UNC79: variants seen among roughly 807,000 people sequenced by gnomAD.
UNC79 encodes unc-79 subunit of NALCN channel complex.
In UNC79, 37 loss-of-function variants were observed where a neutral mutation model predicts 283.1. That is an observed-to-expected ratio of 0.13 (90% confidence interval 0.10 to 0.17). UNC79 has a LOEUF of 0.17. Among genes scored for constraint, UNC79 ranks in the 10% least tolerant of loss-of-function variants. UNC79 has a pLI of 1.00. For missense variants in UNC79, 2,272 were observed against 3,211.1 expected (o/e 0.71, Z 7.07); for synonymous variants, 1,107 against 1,200.2 (o/e 0.92, Z 1.61).
chr14:93,632,179 A>T (rs2068083349), intron 31 of UNC79, among the ~76,000 whole-genome samples: 1 of 152,264 alleles, frequency 6.6e-6, no homozygotes, highest in Non-Finnish European at 1.5e-5. Context: ...CTTCCTTTAA[A>T]TAATTCAAAT....
intron 1 of UNC79, chr14:93,347,474 G>A (rs2139900052): frequency 1.5e-6 from 2 of 1,363,322 alleles, no homozygotes; most frequent in East Asian, 5.9e-5. Context: ...GGAGAAGGGA[G>A]GACACGGCGT....
At chr14:93,398,690 C>T (rs1246730964) in intron 1 of UNC79, among the ~76,000 whole-genome samples, 2 of 152,124 alleles carry the variant, frequency 1.3e-5, no homozygotes, top group Non-Finnish European at 2.9e-5. Flanking sequence ...TTAGGATTTT[C>T]CTGAATGTTG....
At position 93,567,666 on chromosome 14, in the gene UNC79, C is replaced by A. The variant is rs547888285; in HGVS notation, c.1756-4228C>A. On this transcript the variant is annotated intron_variant, in intron 14 of 48. Transcript: ENST00000555664. ...GAATTGTTTATTGCTCAATTAAACT[C>A]CTTTGCATTTAATTCGGCTGAAGTT... is the stretch of plus-strand genomic sequence containing the variant. Among the ~76,000 whole-genome samples the A allele has an allele frequency of 9.2e-5, 14 of 152,304 alleles. No individual in the cohort carries two copies. In the East Asian group the frequency reaches 2.7e-3, roughly 29 times the overall value.
Position 93,446,153 on chromosome 14 carries a change from T to C in UNC79, c.22+15102T>C, listed in dbSNP as rs144810890. On this transcript the variant is annotated intron_variant, in intron 1 of 48. Transcript: ENST00000555664. Reference sequence around the variant, plus strand: ...AATTATTTATACCATTTCCTTCCTTTGGTTTGTTTGGGTTTTAATTAGCTC... The same window carrying C: ...AATTATTTATACCATTTCCTTCCTTCGGTTTGTTTGGGTTTTAATTAGCTC... 2.2e-3 allele frequency among the ~76,000 whole-genome samples: 336 copies of C among 152,246 alleles called. 3 individuals are homozygous for C. The highest frequency in any genetic ancestry group is 7.7e-3 in the African/African-American group (321 of 41,560).
At chr14:93,365,396 A>AAG (rs1191892527) in intron 1 of UNC79, among the ~76,000 whole-genome samples, 1 of 151,674 alleles carries the variant, frequency 6.6e-6, no homozygotes, top group East Asian at 1.9e-4. Flanking sequence ...AAAAAAAAAA[A>AAG]AAAAAAAATG....
At chr14:93,687,526 A>G (rs1400423445) in intron 43 of UNC79, among the ~76,000 whole-genome samples, 1 of 152,214 alleles carries the variant, frequency 6.6e-6, no homozygotes, top group African/African-American at 2.4e-5. Flanking sequence ...ATTAGGAGCT[A>G]GTGATCCCAG....
chr14:93,422,336 G>A (rs2055618420), intron 1 of UNC79, among the ~76,000 whole-genome samples: 1 of 148,918 alleles, frequency 6.7e-6, no homozygotes, highest in African/African-American at 2.4e-5. Flanking sequence ...TGTTTACAAT[G>A]ATAAGAGGTT....
chr14:93,509,923 C>T (rs768540160), intron 7 of UNC79, among the ~76,000 whole-genome samples: 13 of 152,196 alleles, frequency 8.5e-5, no homozygotes, highest in Middle Eastern at 3.2e-3. Flanking sequence ...AGAGGTTCTC[C>T]GTGAACGCTC....
intron 1 of UNC79, among the ~76,000 whole-genome samples, chr14:93,450,505 C>G (rs1418917301): frequency 6.6e-6 from 1 of 152,126 alleles, no homozygotes; most frequent in Admixed American, 6.5e-5. Flanking sequence ...AAGGATGCAT[C>G]TATGAATGTC....
At chr14:93,387,190 G>T (rs188217689) in intron 1 of UNC79, among the ~76,000 whole-genome samples, 1 of 152,076 alleles carries the variant, frequency 6.6e-6, no homozygotes, top group Non-Finnish European at 1.5e-5. Context: ...TGATCCACCC[G>T]CCTCGGCCTC....
chr14:93,583,745 C>A (rs2063995477), intron 20 of UNC79, among the ~76,000 whole-genome samples: 1 of 151,508 alleles, frequency 6.6e-6, no homozygotes, highest in African/African-American at 2.4e-5. Context: ...AAGACCCAGG[C>A]TCCCCACCTT....
chr14:93,654,999 G>A (rs1183228906), intron 37 of UNC79, among the ~76,000 whole-genome samples: 2 of 152,154 alleles, frequency 1.3e-5, no homozygotes, highest in South Asian at 2.1e-4. Context: ...GTAGACCCTT[G>A]GAAGCTGTTT....
chr14:93,370,753 C>T (rs1163716462), intron 1 of UNC79, among the ~76,000 whole-genome samples: 1 of 151,982 alleles, frequency 6.6e-6, no homozygotes, highest in Non-Finnish European at 1.5e-5. Context: ...GCCTGGGCTA[C>T]AGAGCGAGAC....
intron 7 of UNC79, among the ~76,000 whole-genome samples, chr14:93,515,013 C>T (rs2059990329): frequency 1.3e-5 from 2 of 152,130 alleles, no homozygotes; most frequent in Admixed American, 1.3e-4. Context: ...AGACCTTTCT[C>T]TCGTACATCC....
intron 27 of UNC79, among the ~76,000 whole-genome samples, chr14:93,613,820 A>G (rs751026551): frequency 3.9e-5 from 6 of 152,128 alleles, no homozygotes; most frequent in Non-Finnish European, 8.8e-5. Flanking sequence ...ATTTTAGTTT[A>G]TATTAATTTC....
chr14:93,439,762 C>A (rs1294453174), intron 1 of UNC79, among the ~76,000 whole-genome samples: 2 of 152,032 alleles, frequency 1.3e-5, no homozygotes, highest in Non-Finnish European at 2.9e-5. Flanking sequence ...TAACTTCTTT[C>A]TCTATTTGTT....
chr14:93,698,674 C>T (rs574916539), intron 47 of UNC79, among the ~76,000 whole-genome samples: 94 of 151,696 alleles, frequency 6.2e-4, no homozygotes, highest in Admixed American at 1.7e-3. Flanking sequence ...TTAGTAGAGA[C>T]GGGGTTTCAC....
At chr14:93,467,831 G>A (rs2057292380) in intron 2 of UNC79, 40 bp downstream of exon 2, 1 of 1,465,566 alleles carries the variant, frequency 6.8e-7, no homozygotes, top group African/African-American at 1.5e-5. Context: ...AGAATTATTA[G>A]GTAGTATTGC....
At chr14:93,694,246 C>A in intron 46 of UNC79, 89 bp from the exon 50 acceptor site, 1 of 1,206,174 alleles carries the variant, frequency 8.3e-7, no homozygotes, top group Non-Finnish European at 1.2e-6. Flanking sequence ...CTCATGGGCA[C>A]AGGACATCGG....
Sources: gnomAD v4.1 joint callset for allele counts (sites outside exome capture counted in the v4.1 genomes callset) on GRCh38, gnomAD v4.1.1 for gene constraint, MANE v1.5 for transcripts, NCBI Gene and HGNC (gene_info 2026-07-23, HGNC 2026-07-21) for gene names.